KLF16: variants seen among roughly 807,000 people sequenced by gnomAD.
KLF16 encodes KLF transcription factor 16.
Under a neutral mutation model 6.1 loss-of-function variants are expected in KLF16, and 6 were observed. That is an observed-to-expected ratio of 0.98 (90% CI 0.54 to 1.93). The LOEUF (loss-of-function observed/expected upper bound fraction) is 1.93. Ranked by LOEUF, KLF16 falls within the 30% of genes most tolerant of loss-of-function variation. The pLI is 0.01. For synonymous variants in KLF16, 211 were observed against 176.5 expected (o/e 1.20, Z -1.55); for missense variants, 355 against 363.8 (o/e 0.98, Z 0.20).
chr19:1,860,518 A>G (rs551323952), intron 1 of KLF16: 2 of 152,336 alleles, frequency 1.3e-5, no homozygotes, highest in South Asian at 4.1e-4. Context: ...TGTTCCCTTT[A>G]CAGAGAAGCA....
upstream of KLF16, among the ~76,000 whole-genome samples, chr19:1,867,927 C>CGTGTGTGTGTGTGTGTGT (rs71174389): frequency 2.0e-5 from 3 of 147,866 alleles, no homozygotes; most frequent in Non-Finnish European, 4.5e-5. Flanking sequence ...TATGTAAGGA[C>CGTGTGTGTGTGTGTGTGT]GTGTGTGTGT....
At chr19:1,867,703 G>C (rs532319542), upstream of KLF16, among the ~76,000 whole-genome samples, 317 of 151,786 alleles carry the variant, frequency 2.1e-3, no homozygotes, top group Non-Finnish European at 3.5e-3. Context: ...CTGTCTCTAC[G>C]AACAGTACAA....
upstream of KLF16, among the ~76,000 whole-genome samples, chr19:1,864,211 C>G (rs568203858): frequency 1.2e-3 from 187 of 151,606 alleles, no homozygotes; most frequent in African/African-American, 4.2e-3. Flanking sequence ...AGGAGGGCTC[C>G]GATCCCCACG....
At chr19:1,864,397 G>A (rs1199684221), upstream of KLF16, among the ~76,000 whole-genome samples, 1 of 152,180 alleles carries the variant, frequency 6.6e-6, no homozygotes, top group Non-Finnish European at 1.5e-5. Context: ...GAGCCTCCCG[G>A]CCGAGACACC....
the KLF16 span, among the ~76,000 whole-genome samples, chr19:1,873,843 G>A: frequency 0.012 from 1,904 of 152,368 alleles, 40 homozygotes; most frequent in African/African-American, 0.043. Context: ...CTGAAGGCCC[G>A]GACTCGGTTT....
chr19:1,858,633 T>G (rs1421227432), intron 1 of KLF16, among the ~76,000 whole-genome samples: 2 of 152,078 alleles, frequency 1.3e-5, no homozygotes, highest in Non-Finnish European at 2.9e-5. Context: ...CAAGGGCAGA[T>G]AATGTTTGCT....
chr19:1,859,625 C>T (rs1278360721), intron 1 of KLF16, among the ~76,000 whole-genome samples: 1 of 152,114 alleles, frequency 6.6e-6, no homozygotes, highest in African/African-American at 2.4e-5. Flanking sequence ...TTCCCTGCCC[C>T]ACCCAGCCCA....
chr19:1,875,033 T>TATC, the KLF16 span: 1 of 152,198 alleles, frequency 6.6e-6, no homozygotes, highest in Non-Finnish European at 1.5e-5. Context: ...AGTGAAATAC[T>TATC]ATCTCACGCC....
rs1479292497 is a variant in KLF16 at position 1,857,469 on chromosome 19, C to T, written c.458-2709G>A. On this transcript the variant is annotated intron_variant, in intron 1 of 1. Transcript: ENST00000250916. The surrounding 1 kb of genome is among the most constrained non-coding windows in gnomAD (Gnocchi z 4.7). ...GGTGGACTTGACCCTCTGACTCAGG[C>T]TGGGCCCGGGTGAGCTCAGGACAGC... Among the ~76,000 whole-genome samples the T allele has an allele frequency of 6.6e-6, 1 of 152,202 alleles. No homozygotes were observed. Among genetic ancestry groups the T allele is most frequent in the Admixed American group, 6.5e-5 (1 of 15,286 alleles).
the KLF16 span, among the ~76,000 whole-genome samples, chr19:1,870,156 T>C: frequency 2.4e-4 from 36 of 149,326 alleles, no homozygotes; most frequent in African/African-American, 8.4e-4. Flanking sequence ...GGTCTCGAAC[T>C]GCTGACCTCA....
rs1196871014 is a variant in KLF16, at chr19:1,863,539, G to A, written c.-42C>T. 3.2e-6 allele frequency: 3 copies of A among 936,648 alleles called. No individual in the cohort carries two copies. Among genetic ancestry groups the A allele is most frequent in the South Asian group, 4.7e-5 (1 of 21,362 alleles). 58.0% of individuals were successfully genotyped at this position (936,648 alleles called of 1,614,324 possible). ...CGGCGCGGCGGGCGGAGCGGAGGCGGCGGGAGCGGCGTCCGTCCGGCCGGC... is the reference window on the plus strand; with the variant it reads ...CGGCGCGGCGGGCGGAGCGGAGGCGACGGGAGCGGCGTCCGTCCGGCCGGC... On this transcript the variant is annotated 5_prime_UTR_variant, in exon 1 of 2. Coordinates refer to ENST00000250916, the MANE Select transcript of KLF16 (RefSeq NM_031918.4).
intron 1 of KLF16, among the ~76,000 whole-genome samples, chr19:1,858,164 C>T (rs1489863195): frequency 1.3e-5 from 2 of 152,126 alleles, no homozygotes; most frequent in African/African-American, 4.8e-5. Flanking sequence ...CCCCACGTGC[C>T]ACCTGCCAGC....
Position 1,857,149 on chromosome 19 carries a change from A to C in KLF16, c.458-2389T>G, listed in dbSNP as rs2011970238. 6.6e-6 allele frequency among the ~76,000 whole-genome samples: 1 copy of C among 152,010 alleles called. No individual in the cohort carries two copies. The highest frequency in any genetic ancestry group is 1.5e-5 in the Non-Finnish European group (1 of 68,006). On this transcript the variant is annotated intron_variant, in intron 1 of 1. Transcript: ENST00000250916. This position sits in a 1 kb window ranked among gnomAD's most constrained non-coding sequence, Gnocchi z 4.7. Reference sequence around the variant, plus strand: ...CCTGCCAGCCCCGCCCCGCGCTTGGAGACTGAGGCGCGCACATGCGCACGT... The same window carrying C: ...CCTGCCAGCCCCGCCCCGCGCTTGGCGACTGAGGCGCGCACATGCGCACGT...
upstream of KLF16, among the ~76,000 whole-genome samples, chr19:1,864,117 A>G (rs1323212826): frequency 9.4e-6 from 1 of 106,566 alleles, no homozygotes; most frequent in Non-Finnish European, 2.0e-5. Flanking sequence ...CGCCCACCCC[A>G]CGCCGGGGCG....
chr19:1,863,093 G>C lies in KLF16; in HGVS notation c.405C>G (p.Ala135=). Residue 135 remains alanine, a synonymous_variant, in exon 1 of 2, where the codon GCC becomes GCG. Transcript: ENST00000250916. ...GGTGCGAGGACTTGTAGTAGGCTTT[G>C]GCGCAGTCCGGGAAGGGACAGCGGT... ...KSHRCPFPDC[A]KAYYKSSHLK... The C allele has an allele frequency of 7.1e-7, 1 of 1,405,252 alleles. No individual in the cohort carries two copies. Among genetic ancestry groups the C allele is most frequent in the Non-Finnish European group, 9.4e-7 (1 of 1,061,052 alleles). 87.0% of individuals were successfully genotyped at this position (1,405,252 alleles called of 1,614,324 possible).
rs949108671 is a variant in KLF16, at chr19:1,854,348, T to C, written c.*111A>G. 1 of 1,263,412 alleles carries C rather than the reference T, an allele frequency of 7.9e-7. No individual in the cohort carries two copies. Among genetic ancestry groups the C allele is most frequent in the African/African-American group, 1.6e-5 (1 of 62,924 alleles). The allele number at this position is 1,263,412 out of a possible 1,614,324, so 78.3% of individuals were successfully genotyped here. A position where few individuals can be genotyped will look rare whatever the true frequency, so the allele number is the denominator to read the frequency against. ...CTCACTCTCTGGAGGGGGGCAGGGGTGTCTTCAGGGTTTGCCCACGGCTGG... is the reference window on the plus strand; with the variant it reads ...CTCACTCTCTGGAGGGGGGCAGGGGCGTCTTCAGGGTTTGCCCACGGCTGG... On this transcript the variant is annotated 3_prime_UTR_variant, in exon 2 of 2. Coordinates refer to ENST00000250916, the MANE Select transcript of KLF16 (RefSeq NM_031918.4).
At chr19:1,874,787 T>C in the KLF16 span, 3 of 119,346 alleles carry the variant, frequency 2.5e-5, no homozygotes, top group South Asian at 6.0e-4. Flanking sequence ...ACACTTCTAC[T>C]AGACAGAAAG....
chr19:1,856,289 G>A (rs1330884317), intron 1 of KLF16, among the ~76,000 whole-genome samples: 1 of 152,152 alleles, frequency 6.6e-6, no homozygotes, highest in East Asian at 1.9e-4. Flanking sequence ...ACGGGAGGGT[G>A]GAGGGGTCTG....
chr19:1,862,546 G>A (rs1404156656), intron 1 of KLF16, among the ~76,000 whole-genome samples: 1 of 151,998 alleles, frequency 6.6e-6, no homozygotes, highest in Non-Finnish European at 1.5e-5. Flanking sequence ...CCCACGCCAG[G>A]TGCTCTGCCG....
Sources: gnomAD v4.1 joint callset for allele counts (sites outside exome capture counted in the v4.1 genomes callset) on GRCh38, gnomAD v4.1.1 for gene constraint, Gnocchi (gnomAD v3.1) non-coding constraint, MANE v1.5 for transcripts, NCBI Gene and HGNC (gene_info 2026-07-23, HGNC 2026-07-21) for gene names.